MTMR7: variants seen among roughly 807,000 people sequenced by gnomAD.
MTMR7 encodes the protein phosphatidylinositol-3-phosphate phosphatase MTMR7.
A neutral mutation model predicts 81.2 loss-of-function variants in MTMR7; 76 were observed. That is an observed-to-expected ratio of 0.94 (90% CI 0.78 to 1.13). The LOEUF (loss-of-function observed/expected upper bound fraction) is 1.13. Among genes scored for constraint, MTMR7 ranks in the 50% most tolerant of loss-of-function variants. The pLI is 0.00. For missense variants in MTMR7, 1,044 were observed against 820.0 expected (o/e 1.27, Z -3.34); for synonymous variants, 372 against 289.8 (o/e 1.28, Z -2.88).
At chr8:17,395,047 AAACT>A (rs1821209154) in intron 1 of MTMR7, among the ~76,000 whole-genome samples, 1 of 152,178 alleles carries the variant, frequency 6.6e-6, no homozygotes, top group African/African-American at 2.4e-5. Flanking sequence ...CCTGAAACAA[AAACT>A]CTCTAACTAT....
At chr8:17,312,912 A>G (rs1033708958) in intron 8 of MTMR7, among the ~76,000 whole-genome samples, 1 of 152,228 alleles carries the variant, frequency 6.6e-6, no homozygotes, top group East Asian at 1.9e-4. Flanking sequence ...TTCCAGCTAC[A>G]GGAACATGAC....
In MTMR7 at chr8:17,299,832, T is replaced by A; in HGVS notation, c.*30A>T. On this transcript the variant is annotated 3_prime_UTR_variant, in exon 14 of 14. Coordinates refer to ENST00000180173, the MANE Select transcript of MTMR7 (RefSeq NM_004686.5). ...TGTTTTTGGAAGTGTTGCTTATGTG[T>A]CCTTTACTTTGGAACTCCAAAGGGA... is the stretch of plus-strand genomic sequence containing the variant. 6.2e-7 allele frequency: 1 copy of A among 1,611,308 alleles called. No individual in the cohort carries two copies. The highest frequency in any genetic ancestry group is 8.5e-7 in the Non-Finnish European group (1 of 1,178,318).
intron 1 of MTMR7, among the ~76,000 whole-genome samples, chr8:17,399,621 A>G (rs1821362128): frequency 6.6e-6 from 1 of 152,202 alleles, no homozygotes; most frequent in African/African-American, 2.4e-5. Flanking sequence ...CAGAAATAGA[A>G]AAAATCCTGA....
At chr8:17,373,096 G>C (rs752469834) in intron 2 of MTMR7, 22 bp downstream of exon 2, 1 of 1,610,622 alleles carries the variant, frequency 6.2e-7, no homozygotes, top group South Asian at 1.1e-5. Flanking sequence ...AACAAGGAAA[G>C]CTAAAAATAA....
rs1816806097 is a variant in MTMR7, at chr8:17,297,789, T to TAA, written c.*2071_*2072dup. 1 of 152,028 alleles carries TAA rather than the reference T, an allele frequency of 6.6e-6. No homozygotes were observed. The highest frequency in any genetic ancestry group is 2.1e-4 in the South Asian group (1 of 4,834). 9.4% of individuals were successfully genotyped at this position (152,028 alleles called of 1,614,324 possible). A position where few individuals can be genotyped will look rare whatever the true frequency, so the allele number is the denominator to read the frequency against. On this transcript the variant is annotated 3_prime_UTR_variant, in exon 14 of 14. Transcript: ENST00000180173. ...CTCTGAAGAATCTGTGAAAGTACAG[T>TAA]AAAGTTTTAATAAGCAATAAATGTA...
At position 17,305,861 on chromosome 8, in the gene MTMR7, G is replaced by C; in HGVS notation, c.1248C>G (p.Ala416=). 6.2e-7 allele frequency: 1 copy of C among 1,613,602 alleles called. No individual in the cohort carries two copies. The highest frequency in any genetic ancestry group is 8.5e-7 in the Non-Finnish European group (1 of 1,179,624). The change falls in exon 11 of 14, where the codon GCC becomes GCG. Residue 416 remains alanine, a synonymous_variant. Coordinates refer to ENST00000180173, the MANE Select transcript of MTMR7 (RefSeq NM_004686.5). ...TCAAAAACCTCTCATTGAACTCAAA[G>C]GCACAGGGAAATTGTTCCATTAACT... The part of the protein sequence containing the change: ...VWQLMEQFPC[A]FEFNERFLIH...
chr8:17,364,019 TTA>T lies in MTMR7; in HGVS notation c.311-2747_311-2746del, dbSNP rs150189527. On this transcript the variant is annotated intron_variant, in intron 3 of 13. Transcript: ENST00000180173. Reference sequence around the variant, plus strand: ...ATTTCTGGGGTAAAAAGTGTTGCTATTATTTTTTTTTTTTTTTTTTTTTTTTT... The same window carrying T: ...ATTTCTGGGGTAAAAAGTGTTGCTATTTTTTTTTTTTTTTTTTTTTTTTTT... Among the ~76,000 whole-genome samples, 86 of 102,262 alleles carry T rather than the reference TTA, an allele frequency of 8.4e-4. 4 individuals are homozygous for T. The highest frequency in any genetic ancestry group is 4.3e-3 in the African/African-American group (75 of 17,410). 67.1% of individuals were successfully genotyped at this position (102,262 alleles called of 152,430 possible). A position where few individuals can be genotyped will look rare whatever the true frequency, so the allele number is the denominator to read the frequency against.
In MTMR7 at chr8:17,368,863, T is replaced by C. The variant is rs528021703; in HGVS notation, c.310+2174A>G. Among the ~76,000 whole-genome samples, 27 of 152,342 alleles carry C rather than the reference T, an allele frequency of 1.8e-4. 1 individual carries two copies. The South Asian group carries it at 2.3e-3, about 13-fold the overall frequency. On this transcript the variant is annotated intron_variant, in intron 3 of 13. Coordinates refer to ENST00000180173, the MANE Select transcript of MTMR7 (RefSeq NM_004686.5). ...TGACTATGATTTCTTTTAGAAAAGG[T>C]AGCCAGTCAGATCTCTGTCTACATC... is the stretch of plus-strand genomic sequence containing the variant.
In MTMR7 at chr8:17,371,038, T is replaced by G; in HGVS notation, c.309A>C (p.Pro103=). 1 of 1,612,200 alleles carries G rather than the reference T, an allele frequency of 6.2e-7. No homozygotes were observed. Among genetic ancestry groups the G allele is most frequent in the Non-Finnish European group, 8.5e-7 (1 of 1,179,158 alleles). Residue 103 remains proline, a splice_region_variant and synonymous_variant, in exon 3 of 14, where the codon CCA becomes CCC. Coordinates refer to ENST00000180173, the MANE Select transcript of MTMR7 (RefSeq NM_004686.5). ...AAATGCCGAGTTCCTCTGCCCTACCTGGCCTTGCAAGGCGTATCAGGGAGA... is the reference window on the plus strand; with the variant it reads ...AAATGCCGAGTTCCTCTGCCCTACCGGGCCTTGCAAGGCGTATCAGGGAGA... ...VYISLIRLAR[P]VKYEELYCFS... is the part of the protein sequence containing the mutation.
chr8:17,394,443 C>T (rs1231219229), intron 1 of MTMR7, among the ~76,000 whole-genome samples: 1 of 152,114 alleles, frequency 6.6e-6, no homozygotes, highest in African/African-American at 2.4e-5. Flanking sequence ...TGAAAGAAGC[C>T]AGTCACAACG....
intron 1 of MTMR7, among the ~76,000 whole-genome samples, chr8:17,386,816 T>C (rs75363584): frequency 0.06 from 9,086 of 152,248 alleles, 695 homozygotes; most frequent in African/African-American, 0.17. Flanking sequence ...GGTAGCTGGA[T>C]TGGCAGTACG....
chr8:17,411,633 TCC>T (rs1443874370), intron 1 of MTMR7, among the ~76,000 whole-genome samples: 1 of 152,192 alleles, frequency 6.6e-6, no homozygotes, highest in Non-Finnish European at 1.5e-5. Context: ...TTTTCCATTT[TCC>T]CCCAATTTGT....
At position 17,329,363 on chromosome 8, in the gene MTMR7, T is replaced by C. The variant is rs1444841331; in HGVS notation, c.865+1787A>G. Among the ~76,000 whole-genome samples the C allele has an allele frequency of 2.6e-5, 4 of 152,250 alleles. No individual in the cohort carries two copies. In the East Asian group the frequency reaches 7.7e-4, roughly 29 times the overall value. ...CATCCAGAAAGATATCCTAGCCTAC[T>C]GCACTGCACGTAGCTGGAAAAGTTA... On this transcript the variant is annotated intron_variant, in intron 7 of 13. Transcript: ENST00000180173.
chr8:17,388,879 C>T (rs577042747), intron 1 of MTMR7, among the ~76,000 whole-genome samples: 2 of 152,306 alleles, frequency 1.3e-5, no homozygotes, highest in African/African-American at 2.4e-5. Context: ...TCCTCGGCTT[C>T]GAAGACCCCA....
intron 1 of MTMR7, among the ~76,000 whole-genome samples, chr8:17,379,022 G>T (rs1820679551): frequency 6.6e-6 from 1 of 152,182 alleles, no homozygotes; most frequent in African/African-American, 2.4e-5. Context: ...AATCAGAAAA[G>T]CACAGAAACA....
At chr8:17,342,901 G>T (rs923944658) in intron 5 of MTMR7, among the ~76,000 whole-genome samples, 1 of 151,960 alleles carries the variant, frequency 6.6e-6, no homozygotes, top group Non-Finnish European at 1.5e-5. Context: ...AATGGCAAGC[G>T]ACGGCAAGGC....
chr8:17,327,849 G>A (rs1818767544), intron 7 of MTMR7, among the ~76,000 whole-genome samples: 1 of 152,096 alleles, frequency 6.6e-6, no homozygotes, highest in African/African-American at 2.4e-5. Flanking sequence ...TTATCTACAT[G>A]TTTATTTCAA....
chr8:17,298,773 A>G lies in MTMR7; in HGVS notation c.*1089T>C, dbSNP rs1018671357. ...CACCTAGTGAAGTCTTTTTTAACTC[A>G]TAAGATAGGGGAGGGACTCTCCCTT... On this transcript the variant is annotated 3_prime_UTR_variant, in exon 14 of 14. Coordinates refer to ENST00000180173, the MANE Select transcript of MTMR7 (RefSeq NM_004686.5). The G allele has an allele frequency of 2.0e-5, 3 of 152,590 alleles. No individual in the cohort carries two copies. Among genetic ancestry groups the G allele is most frequent in the South Asian group, 2.1e-4 (1 of 4,834 alleles). The allele number at this position is 152,590 out of a possible 1,614,324, so 9.5% of individuals were successfully genotyped here.
intron 2 of MTMR7, 96 bp from the exon 3 acceptor site, chr8:17,371,295 A>G: frequency 1.5e-6 from 2 of 1,377,860 alleles, no homozygotes; most frequent in Non-Finnish European, 2.0e-6. Context: ...AAGACAAGAA[A>G]CGCTCCCCAA....
Sources: allele counts gnomAD v4.1 joint callset (sites outside exome capture counted in the v4.1 genomes callset), GRCh38; gene constraint gnomAD v4.1.1; transcripts MANE v1.5; gene names NCBI Gene and HGNC (gene_info 2026-07-23, HGNC 2026-07-21).